Variants in VOPP1 observed in about 807,000 individuals in gnomAD.
VOPP1 encodes the protein VOPP1 WW domain binding protein, also known as WW domain binding protein VOPP1.
A neutral mutation model predicts 23.5 loss-of-function variants in VOPP1; 8 were observed. The observed-to-expected ratio is 0.34, with a 90% CI of 0.20 to 0.61. The LOEUF is 0.61. Ranked by LOEUF, VOPP1 falls within the 20% of genes least tolerant of loss-of-function variation. The probability of loss-of-function intolerance (pLI) is 0.78; values close to 1 mark genes in which losing one functional copy is unlikely to be tolerated. For missense variants in VOPP1, 174 were observed against 238.1 expected (o/e 0.73, Z 1.77); for synonymous variants, 83 against 97.3 (o/e 0.85, Z 0.86).
Position 55,472,906 on chromosome 7 carries a change from G to A in VOPP1, c.468C>T (p.Ala156=). The part of the protein sequence containing the change: ...QGSVACPPPP[A]YCNTPPPPYE... Reference sequence around the variant, plus strand: ...ACGGGGGCGGAGGCGTGTTGCAGTAGGCTGGAGGGGGCGGGCAGGCCACAC... The same window carrying A: ...ACGGGGGCGGAGGCGTGTTGCAGTAAGCTGGAGGGGGCGGGCAGGCCACAC... The change falls in exon 5 of 5, where the codon GCC becomes GCT. Residue 156 remains alanine (A), a synonymous_variant. Coordinates refer to ENST00000285279, the MANE Select transcript of VOPP1 (RefSeq NM_030796.5). 1.3e-6 allele frequency: 2 copies of A among 1,522,984 alleles called. No homozygotes were observed. The highest frequency in any genetic ancestry group is 8.8e-7 in the Non-Finnish European group (1 of 1,140,724). The allele number at this position is 1,522,984 out of a possible 1,614,324, so 94.3% of individuals were successfully genotyped here. A position where few individuals can be genotyped will look rare whatever the true frequency, so the allele number is the denominator to read the frequency against.
rs199848845 is a variant in VOPP1 at position 55,446,434 on chromosome 7, AC to A, written n.418-10261del. ...TGCACATGTAACTTAGAGATACCAC[AC>A]CCTTCCCTGCTGTAGACATTCTTCT... On this transcript the variant is annotated intron_variant and non_coding_transcript_variant, in intron 4 of 4. Coordinates refer to the VOPP1 transcript ENST00000462326. 4.9e-3 allele frequency among the ~76,000 whole-genome samples: 753 copies of A among 152,200 alleles called. 2 individuals carry two copies. Among genetic ancestry groups the A allele is most frequent in the Non-Finnish European group, 7.4e-3 (506 of 68,008 alleles).
intron 4 of VOPP1, among the ~76,000 whole-genome samples, chr7:55,437,030 C>A (rs1790848416): frequency 6.6e-6 from 1 of 152,176 alleles, no homozygotes. Flanking sequence ...GTGTCCCGAG[C>A]AGCATAATCA....
chr7:55,437,558 A>G (rs943314804), intron 4 of VOPP1, among the ~76,000 whole-genome samples: 4 of 152,154 alleles, frequency 2.6e-5, no homozygotes, highest in East Asian at 1.9e-4. Context: ...TAGGATTTTC[A>G]TCTGATAATA....
At chr7:55,516,932 A>ATATATATTTTT (rs1562947689) in intron 2 of VOPP1, among the ~76,000 whole-genome samples, 1 of 45,156 alleles carries the variant, frequency 2.2e-5, no homozygotes, top group African/African-American at 1.2e-4. Context: ...ATATATATAT[A>ATATATATTTTT]TTTTTTTTTT....
chr7:55,483,998 C>T (rs1792938928), intron 4 of VOPP1, among the ~76,000 whole-genome samples: 1 of 152,192 alleles, frequency 6.6e-6, no homozygotes, highest in Non-Finnish European at 1.5e-5. Flanking sequence ...CTCAGGTGAT[C>T]CACCTGCCTC....
chr7:55,491,035 T>A (rs1793527441), intron 4 of VOPP1, among the ~76,000 whole-genome samples: 1 of 152,166 alleles, frequency 6.6e-6, no homozygotes, highest in Non-Finnish European at 1.5e-5. Flanking sequence ...CCTCTACTTC[T>A]CTCCTATTTA....
At chr7:55,484,025 T>C (rs1410590510) in intron 4 of VOPP1, among the ~76,000 whole-genome samples, 1 of 152,232 alleles carries the variant, frequency 6.6e-6, no homozygotes, top group African/African-American at 2.4e-5. Flanking sequence ...CCCAAAGTGC[T>C]GGGATTACCG....
At chr7:55,469,857 G>C (rs1028811093), downstream of VOPP1, among the ~76,000 whole-genome samples, 1 of 152,202 alleles carries the variant, frequency 6.6e-6, no homozygotes, top group African/African-American at 2.4e-5. Context: ...CAGACTTTTA[G>C]GGGAGGGACC....
intron 1 of VOPP1, among the ~76,000 whole-genome samples, chr7:55,529,045 GATGA>G (rs1796345478): frequency 6.6e-6 from 1 of 152,276 alleles, no homozygotes; most frequent in East Asian, 1.9e-4. Flanking sequence ...CTTCAATTCT[GATGA>G]TAGAGGCTGT....
At chr7:55,443,808 C>G (rs1353773891) in intron 4 of VOPP1, among the ~76,000 whole-genome samples, 1 of 151,842 alleles carries the variant, frequency 6.6e-6, no homozygotes, top group Non-Finnish European at 1.5e-5. Flanking sequence ...CCACGCTCAG[C>G]TAATTTTTGT....
At chr7:55,541,794 C>T (rs774637098) in intron 1 of VOPP1, among the ~76,000 whole-genome samples, 1 of 152,156 alleles carries the variant, frequency 6.6e-6, no homozygotes, top group Non-Finnish European at 1.5e-5. Flanking sequence ...TGCTATAACA[C>T]AAGAGAAGCC....
intron 4 of VOPP1, among the ~76,000 whole-genome samples, chr7:55,439,690 C>G (rs1446549652): frequency 6.6e-6 from 1 of 152,192 alleles, no homozygotes; most frequent in Non-Finnish European, 1.5e-5. Context: ...TGAACAGACA[C>G]CGGTTGGCAC....
At position 55,521,125 on chromosome 7, in the gene VOPP1, T is replaced by C; in HGVS notation, c.60A>G (p.Thr20=). 1.9e-6 allele frequency: 3 copies of C among 1,578,992 alleles called. No individual in the cohort carries two copies. Among genetic ancestry groups the C allele is most frequent in the South Asian group, 1.2e-5 (1 of 85,958 alleles). Residue 20 remains threonine (T), a synonymous_variant, in exon 2 of 5, where the codon ACA becomes ACG. Coordinates refer to ENST00000285279, the MANE Select transcript of VOPP1 (RefSeq NM_030796.5). ...ALLLGLLLEC[T]EAKKHCWYFE... Reference sequence around the variant, plus strand: ...AATACCAGCAATGCTTTTTGGCTTCTGTGCACTGCAAATAGAAGCAAGAAA... The same window carrying C: ...AATACCAGCAATGCTTTTTGGCTTCCGTGCACTGCAAATAGAAGCAAGAAA...
intron 1 of VOPP1, among the ~76,000 whole-genome samples, chr7:55,569,751 G>A (rs1798286304): frequency 6.6e-6 from 1 of 152,064 alleles, no homozygotes; most frequent in Non-Finnish European, 1.5e-5. Context: ...TTCTACAAAG[G>A]GATGGTGAGG....
At chr7:55,527,781 G>A (rs917178918) in intron 1 of VOPP1, among the ~76,000 whole-genome samples, 3 of 152,118 alleles carry the variant, frequency 2.0e-5, no homozygotes, top group Non-Finnish European at 4.4e-5. Flanking sequence ...AAAATAAAGT[G>A]ATAGATATGA....
At chr7:55,513,281 T>C (rs1795199567) in intron 2 of VOPP1, among the ~76,000 whole-genome samples, 1 of 152,226 alleles carries the variant, frequency 6.6e-6, no homozygotes, top group South Asian at 2.1e-4. Flanking sequence ...AGTGGTGCTC[T>C]GGAAATTACA....
chr7:55,568,992 C>CT (rs1421831358), intron 1 of VOPP1, among the ~76,000 whole-genome samples: 2 of 152,222 alleles, frequency 1.3e-5, no homozygotes, highest in Non-Finnish European at 2.9e-5. Context: ...GTTCCCTACT[C>CT]TTAGCCACCC....
chr7:55,460,771 AGATAT>A (rs746813702), intron 4 of VOPP1, among the ~76,000 whole-genome samples: 151 of 152,282 alleles, frequency 9.9e-4, no homozygotes, highest in Non-Finnish European at 1.9e-3. Flanking sequence ...CTGTTTTATC[AGATAT>A]AACTATAGCT....
chr7:55,447,011 G>T (rs1791116329), intron 4 of VOPP1, among the ~76,000 whole-genome samples: 1 of 152,224 alleles, frequency 6.6e-6, no homozygotes, highest in South Asian at 2.1e-4. Context: ...AAAGCAGGGT[G>T]AACGGGCTTG....
Sources: allele counts gnomAD v4.1 joint callset (sites outside exome capture counted in the v4.1 genomes callset), GRCh38; gene constraint gnomAD v4.1.1; transcripts MANE v1.5; gene names NCBI Gene and HGNC (gene_info 2026-07-23, HGNC 2026-07-21).